The following CDC42BPA variants were observed in gnomAD, a reference collection of about 807,000 sequenced individuals.
CDC42BPA encodes serine/threonine-protein kinase MRCK alpha.
CDC42BPA carries 80 observed loss-of-function variants against 223.5 expected under a neutral mutation model. That is an observed-to-expected ratio of 0.36 (90% confidence interval 0.30 to 0.43). The LOEUF (loss-of-function observed/expected upper bound fraction) is 0.43. Ranked by LOEUF, CDC42BPA falls within the 20% of genes least tolerant of loss-of-function variation. The pLI is 1.00. For synonymous variants in CDC42BPA, 694 were observed against 718.6 expected, an observed-to-expected ratio of 0.97 and a Z score of 0.55; for missense variants, 1,743 against 2,099.9, an observed-to-expected ratio of 0.83 and a Z score of 3.32.
chr1:227,160,831 T>C (rs1663751431), intron 5 of CDC42BPA, among the ~76,000 whole-genome samples, 195 bp from the exon 6 acceptor site: 1 of 152,212 alleles, frequency 6.6e-6, no homozygotes, highest in African/African-American at 2.4e-5. Context: ...GTAATTTCAG[T>C]ATTCTTCTAG....
At chr1:227,078,418 T>C (rs1679945729) in intron 17 of CDC42BPA, among the ~76,000 whole-genome samples, 1 of 152,172 alleles carries the variant, frequency 6.6e-6, no homozygotes, top group South Asian at 2.1e-4. Flanking sequence ...TATAGATCTC[T>C]GTATCTCTTA....
chr1:227,011,530 ATGTG>A (rs1665205671), intron 34 of CDC42BPA, among the ~76,000 whole-genome samples: 1 of 152,150 alleles, frequency 6.6e-6, no homozygotes, highest in Non-Finnish European at 1.5e-5. Context: ...TTCCCTGATA[ATGTG>A]TTTGTTTTTA....
At position 227,125,531 on chromosome 1, in the gene CDC42BPA, T is replaced by C. The variant is rs1221194207; in HGVS notation, c.1513+3578A>G. On this transcript the variant is annotated intron_variant, in intron 11 of 36. Transcript: ENST00000366766. ...AGAATTGCTTGAACCTGGGAGATGG[T>C]AGTTGCAGTGAGCTGAGATCGCGTC... 4.7e-5 allele frequency among the ~76,000 whole-genome samples: 7 copies of C among 147,738 alleles called. No homozygotes were observed. The East Asian group carries it at 1.2e-3, about 25-fold the overall frequency.
At chr1:227,087,803 A>T (rs971006930) in intron 16 of CDC42BPA, among the ~76,000 whole-genome samples, 3 of 152,168 alleles carry the variant, frequency 2.0e-5, no homozygotes, top group African/African-American at 7.2e-5. Flanking sequence ...TTTTTTTAGA[A>T]GATTAATCAA....
intron 5 of CDC42BPA, among the ~76,000 whole-genome samples, chr1:227,164,871 T>C (rs1341622403): frequency 3.9e-5 from 6 of 152,204 alleles, no homozygotes; most frequent in African/African-American, 9.7e-5. Context: ...AATCAATACA[T>C]AGTCTTCTTG....
chr1:227,073,674 A>C, intron 19 of CDC42BPA, among the ~76,000 whole-genome samples, 190 bp downstream of exon 19: 1 of 152,164 alleles, frequency 6.6e-6, no homozygotes, highest in Non-Finnish European at 1.5e-5. Flanking sequence ...CCAGAGGAAA[A>C]CAAGGCTATA....
intron 21 of CDC42BPA, 81 bp downstream of exon 21, chr1:227,069,696 G>T: frequency 1.1e-6 from 1 of 932,004 alleles, no homozygotes; most frequent in Non-Finnish European, 1.7e-6. Context: ...GCAATAAAAT[G>T]GTTTTATTAT....
At chr1:227,055,871 G>C (rs145923760) in intron 21 of CDC42BPA, among the ~76,000 whole-genome samples, 1 of 150,496 alleles carries the variant, frequency 6.6e-6, no homozygotes, top group Non-Finnish European at 1.5e-5. Flanking sequence ...CTATATTTCA[G>C]TATCATTTTA....
intron 22 of CDC42BPA, among the ~76,000 whole-genome samples, chr1:227,050,250 A>T (rs1363559239): frequency 1.3e-5 from 2 of 152,208 alleles, no homozygotes; most frequent in Non-Finnish European, 2.9e-5. Flanking sequence ...ATAACACTAG[A>T]AAACAGATGT....
Position 226,994,721 on chromosome 1 carries a change from G to T in CDC42BPA, c.5133+102C>A. The stretch of plus-strand genomic sequence containing the variant: ...AGAGTGAATGCTGGCCCCTGACCCC[G>T]AACCCTGCTGCAGCTGAGGCCAATC... On this transcript the variant is annotated intron_variant, in intron 36 of 36. Transcript: ENST00000366766. The surrounding 1 kb of genome is among the most constrained non-coding windows in gnomAD (Gnocchi z 4.0). 1 of 1,254,930 alleles carries T rather than the reference G, an allele frequency of 8.0e-7. No individual in the cohort carries two copies. The highest frequency in any genetic ancestry group is 1.1e-6 in the Non-Finnish European group (1 of 907,336). 77.7% of individuals were successfully genotyped at this position (1,254,930 alleles called of 1,614,324 possible).
At chr1:227,160,879 A>G (rs1663759920) in intron 5 of CDC42BPA, among the ~76,000 whole-genome samples, 1 of 152,200 alleles carries the variant, frequency 6.6e-6, no homozygotes, top group South Asian at 2.1e-4. Flanking sequence ...TTCTGGTTAA[A>G]TTAATCTTAC....
chr1:227,039,017 G>C (rs1406974088), intron 24 of CDC42BPA, among the ~76,000 whole-genome samples: 1 of 152,182 alleles, frequency 6.6e-6, no homozygotes, highest in Non-Finnish European at 1.5e-5. Flanking sequence ...CTTCACCAGA[G>C]TCCTTCTTCA....
intron 8 of CDC42BPA, 113 bp downstream of exon 8, chr1:227,145,368 CTGACTAAT>C: frequency 1.3e-6 from 1 of 764,988 alleles, no homozygotes; most frequent in Non-Finnish European, 2.1e-6. Context: ...GCCATGATCA[CTGACTAAT>C]AACTGATCAT....
At chr1:227,075,835 G>A (rs1350741109) in intron 17 of CDC42BPA, among the ~76,000 whole-genome samples, 3 of 152,100 alleles carry the variant, frequency 2.0e-5, no homozygotes, top group South Asian at 2.1e-4. Flanking sequence ...TATCTACCAT[G>A]GCTCAGAGAT....
chr1:227,069,958 T>A, intron 20 of CDC42BPA, 105 bp from the exon 21 acceptor site: 1 of 654,966 alleles, frequency 1.5e-6, no homozygotes, highest in South Asian at 2.1e-5. Context: ...CAAACTACTG[T>A]ATTTCAAAGT....
At chr1:227,020,063 A>AT (rs2148540160) in intron 32 of CDC42BPA, among the ~76,000 whole-genome samples, 1 of 152,152 alleles carries the variant, frequency 6.6e-6, no homozygotes, top group African/African-American at 2.4e-5. Flanking sequence ...CAGCTGGCTA[A>AT]TTTTGTATTT....
At chr1:227,277,734 T>C (rs1435439066) in intron 1 of CDC42BPA, among the ~76,000 whole-genome samples, 3 of 152,000 alleles carry the variant, frequency 2.0e-5, no homozygotes, top group African/African-American at 7.2e-5. Flanking sequence ...TAGGAATAGA[T>C]ATACTGGATA....
At chr1:227,146,067 G>T (rs1660651094) in intron 7 of CDC42BPA, among the ~76,000 whole-genome samples, 1 of 152,012 alleles carries the variant, frequency 6.6e-6, no homozygotes. Flanking sequence ...ATAGATGATT[G>T]ATAATGGTCA....
At chr1:227,114,102 T>C (rs1012905293) in intron 12 of CDC42BPA, among the ~76,000 whole-genome samples, 9 of 151,814 alleles carry the variant, frequency 5.9e-5, no homozygotes, top group Non-Finnish European at 1.0e-4. Flanking sequence ...GCTCTACATT[T>C]ATGAATCAAG....
Sources: allele counts gnomAD v4.1 joint callset (sites outside exome capture counted in the v4.1 genomes callset), GRCh38; gene constraint gnomAD v4.1.1; non-coding constraint Gnocchi (gnomAD v3.1); transcripts MANE v1.5; gene names NCBI Gene and HGNC (gene_info 2026-07-23, HGNC 2026-07-21).